The following FAXC variants were observed in gnomAD, a reference collection of about 807,000 sequenced individuals.
FAXC encodes the protein failed axon connections homolog.
A neutral mutation model predicts 41.9 loss-of-function variants in FAXC; 10 were observed. The ratio of observed to expected loss-of-function variants is 0.24; its 90% CI spans 0.15 to 0.41. The LOEUF is 0.41. Among genes scored for constraint, FAXC ranks in the 10% least tolerant of loss-of-function variants. The probability of loss-of-function intolerance (pLI) is 1.00; values close to 1 mark genes in which losing one functional copy is unlikely to be tolerated. For synonymous variants in FAXC, 183 were observed against 183.8 expected (o/e 1.00, Z 0.03); for missense variants, 399 against 510.9 (o/e 0.78, Z 2.11).
intron 3 of FAXC, among the ~76,000 whole-genome samples, chr6:99,329,536 T>C (rs1362072018): frequency 6.6e-6 from 1 of 152,182 alleles, no homozygotes; most frequent in Non-Finnish European, 1.5e-5. Context: ...TTGCTTATAC[T>C]CTGAATATCT....
chr6:99,332,443 T>C (rs957730531), intron 3 of FAXC, among the ~76,000 whole-genome samples: 12 of 152,216 alleles, frequency 7.9e-5, no homozygotes, highest in African/African-American at 2.9e-4. Flanking sequence ...AAACTTTCTC[T>C]ATCTACTGGG....
At chr6:99,314,327 A>C (rs1174884645) in intron 4 of FAXC, among the ~76,000 whole-genome samples, 1 of 151,950 alleles carries the variant, frequency 6.6e-6, no homozygotes, top group Admixed American at 6.6e-5. Context: ...CAACTCTATC[A>C]CCATGCCTAT....
chr6:99,326,894 G>C (rs1373913992), intron 3 of FAXC, among the ~76,000 whole-genome samples: 1 of 152,128 alleles, frequency 6.6e-6, no homozygotes, highest in African/African-American at 2.4e-5. Context: ...GCAGTGTAGA[G>C]AGTTTTAGCA....
chr6:99,340,315 G>C (rs2128464654), intron 2 of FAXC, among the ~76,000 whole-genome samples: 1 of 152,072 alleles, frequency 6.6e-6, no homozygotes, highest in African/African-American at 2.4e-5. Flanking sequence ...TGGCCAGGCT[G>C]GTCTTGAACT....
chr6:99,296,154 C>CA (rs201093362), intron 4 of FAXC, among the ~76,000 whole-genome samples: 113 of 151,488 alleles, frequency 7.5e-4, no homozygotes, highest in African/African-American at 2.5e-3. Context: ...GGGAGCTTGG[C>CA]AAAAAAAACA....
At position 99,273,709 on chromosome 6, in the gene FAXC, T is replaced by A. The variant is rs1487857502; in HGVS notation, c.*7455A>T. The stretch of plus-strand genomic sequence containing the variant: ...TATATCTGCTTTGCCACAAATGGTA[T>A]ATACACATTCTCTAATCAATTACAG... On this transcript the variant is annotated 3_prime_UTR_variant, in exon 6 of 6. Coordinates refer to ENST00000389677, the MANE Select transcript of FAXC (RefSeq NM_032511.4). 6.6e-6 allele frequency: 1 copy of A among 152,006 alleles called. No homozygotes were observed. The highest frequency in any genetic ancestry group is 2.4e-5 in the African/African-American group (1 of 41,372). The allele number at this position is 152,006 out of a possible 1,614,324, so 9.4% of individuals were successfully genotyped here. A position where few individuals can be genotyped will look rare whatever the true frequency, so the allele number is the denominator to read the frequency against.
intron 3 of FAXC, among the ~76,000 whole-genome samples, chr6:99,324,167 T>C (rs924358548): frequency 6.6e-6 from 1 of 151,312 alleles, no homozygotes; most frequent in Admixed American, 6.6e-5. Flanking sequence ...ACTCTGTATA[T>C]GCATTTTACA....
At chr6:99,286,643 C>T (rs1031462797) in intron 5 of FAXC, among the ~76,000 whole-genome samples, 2 of 152,198 alleles carry the variant, frequency 1.3e-5, no homozygotes, top group African/African-American at 4.8e-5. Flanking sequence ...CATGCAGACA[C>T]GCTGCAGAGC....
chr6:99,300,967 C>T (rs988216546), intron 4 of FAXC, among the ~76,000 whole-genome samples: 9 of 152,264 alleles, frequency 5.9e-5, no homozygotes, highest in African/African-American at 1.9e-4. Context: ...AAGCTCAACT[C>T]TGCAGGCAGA....
At chr6:99,342,413 C>T (rs959218209) in intron 2 of FAXC, among the ~76,000 whole-genome samples, 39 of 151,316 alleles carry the variant, frequency 2.6e-4, no homozygotes, top group African/African-American at 8.3e-4. Flanking sequence ...GGTGCAATCT[C>T]GGCTCACTGT....
intron 4 of FAXC, among the ~76,000 whole-genome samples, chr6:99,296,438 T>C (rs932131434): frequency 2.6e-4 from 39 of 152,222 alleles, no homozygotes; most frequent in African/African-American, 9.4e-4. Context: ...TGTGGGCACC[T>C]GTAACTCCCC....
intron 3 of FAXC, among the ~76,000 whole-genome samples, chr6:99,324,108 C>G (rs1448350785): frequency 6.6e-6 from 1 of 151,710 alleles, no homozygotes; most frequent in Non-Finnish European, 1.5e-5. Context: ...GATGGTTCCA[C>G]AGGTTTATGC....
rs147993095 is a variant in FAXC, at chr6:99,321,865, T to C, written c.823+1579A>G. ...GTTAAAAAAGCAACACTGTTAAAGA[T>C]GTGTGGTGCTTATAGCATAATTTCT... On this transcript the variant is annotated intron_variant, in intron 4 of 5. Coordinates refer to ENST00000389677, the MANE Select transcript of FAXC (RefSeq NM_032511.4). Among the ~76,000 whole-genome samples, 1,237 of 152,326 alleles carry C rather than the reference T, an allele frequency of 8.1e-3. 17 individuals are homozygous for C. The highest frequency in any genetic ancestry group is 0.024 in the African/African-American group (1,012 of 41,572).
intron 2 of FAXC, chr6:99,334,568 A>G (rs902032934): frequency 1.0e-6 from 1 of 952,700 alleles, no homozygotes; most frequent in African/African-American, 1.8e-5. Flanking sequence ...TACATCTAAC[A>G]TTCTTGTAAT....
intron 4 of FAXC, among the ~76,000 whole-genome samples, chr6:99,318,751 T>C (rs1429165364): frequency 6.6e-6 from 1 of 152,220 alleles, no homozygotes; most frequent in Non-Finnish European, 1.5e-5. Flanking sequence ...GGTATTGTTC[T>C]GAACCTCATT....
rs1188585016 is a variant in FAXC, at chr6:99,349,655, G to A, written c.-283C>T. On this transcript the variant is annotated 5_prime_UTR_variant, in exon 1 of 6. Transcript: ENST00000389677. ...GCTGCCTCTCCGCCCCGCTCTTTGT[G>A]TCGGCGCCTGGAGAAGGCCGCGTGA... The A allele has an allele frequency of 6.6e-6, 1 of 152,144 alleles. No individual in the cohort carries two copies. Among genetic ancestry groups the A allele is most frequent in the African/African-American group, 2.4e-5 (1 of 41,392 alleles). 9.4% of individuals were successfully genotyped at this position (152,144 alleles called of 1,614,324 possible). A position where few individuals can be genotyped will look rare whatever the true frequency, so the allele number is the denominator to read the frequency against.
chr6:99,302,764 C>A (rs1771764227), intron 4 of FAXC, among the ~76,000 whole-genome samples: 1 of 152,076 alleles, frequency 6.6e-6, no homozygotes, highest in African/African-American at 2.4e-5. Flanking sequence ...TCACTGTGAT[C>A]CATTTTGGGG....
intron 2 of FAXC, among the ~76,000 whole-genome samples, chr6:99,341,218 T>A (rs1033907179): frequency 6.6e-6 from 1 of 151,702 alleles, no homozygotes; most frequent in Non-Finnish European, 1.5e-5. Context: ...AAGCAGGAAA[T>A]GAGAAGAAAT....
chr6:99,304,684 T>C (rs947909987), intron 4 of FAXC, among the ~76,000 whole-genome samples: 7 of 152,240 alleles, frequency 4.6e-5, no homozygotes, highest in Admixed American at 1.3e-4. Context: ...AGCAAATAGT[T>C]ATTGAGTGCC....
Sources: gnomAD v4.1 joint callset for allele counts (sites outside exome capture counted in the v4.1 genomes callset) on GRCh38, gnomAD v4.1.1 for gene constraint, MANE v1.5 for transcripts, NCBI Gene and HGNC (gene_info 2026-07-23, HGNC 2026-07-21) for gene names.